Variants in LMLN observed in about 807,000 individuals in gnomAD.
LMLN encodes leishmanolysin-like peptidase.
In LMLN, 70 loss-of-function variants were observed where a neutral mutation model predicts 92.3. The ratio of observed to expected loss-of-function variants is 0.76; its 90% CI spans 0.63 to 0.92. The LOEUF is 0.92. Ranked by LOEUF, LMLN falls within the 40% of genes least tolerant of loss-of-function variation. The pLI is 0.00. For synonymous variants in LMLN, 308 were observed against 296.2 expected, an observed-to-expected ratio of 1.04 and a Z score of -0.41; for missense variants, 691 against 814.6, an observed-to-expected ratio of 0.85 and a Z score of 1.85.
chr3:198,003,475 T>G (rs1306721919), intron 11 of LMLN, among the ~76,000 whole-genome samples: 1 of 152,158 alleles, frequency 6.6e-6, no homozygotes, highest in Non-Finnish European at 1.5e-5. Flanking sequence ...CAAATATTGA[T>G]TCAGTATCAA....
intron 11 of LMLN, among the ~76,000 whole-genome samples, chr3:198,005,220 C>T (rs1320694506): frequency 3.3e-5 from 2 of 60,696 alleles, no homozygotes; most frequent in Non-Finnish European, 6.2e-5. Flanking sequence ...ACATATCATA[C>T]GTAGTAAGTT....
intron 5 of LMLN, among the ~76,000 whole-genome samples, chr3:197,977,995 C>T (rs1391588627): frequency 2.0e-5 from 3 of 151,474 alleles, no homozygotes; most frequent in African/African-American, 2.4e-5. Context: ...AGTACACACA[C>T]GTTAAATCTG....
chr3:197,996,385 C>A, intron 10 of LMLN, 103 bp downstream of exon 10: 1 of 632,682 alleles, frequency 1.6e-6, no homozygotes. Context: ...ATGTTTACGT[C>A]CCTTTACCCC....
At chr3:197,978,084 CTG>C (rs1721453177) in intron 5 of LMLN, among the ~76,000 whole-genome samples, 2 of 151,288 alleles carry the variant, frequency 1.3e-5, no homozygotes, top group South Asian at 4.2e-4. Context: ...ATCAAACAAT[CTG>C]GAAGCACACA....
intron 15 of LMLN, chr3:198,038,266 C>T: frequency 6.6e-6 from 2 of 301,160 alleles, no homozygotes; most frequent in Admixed American, 9.3e-5. Flanking sequence ...AGTTCTTCAC[C>T]CCATCTCAGA....
chr3:197,962,589 A>T (rs1720934876), intron 1 of LMLN, among the ~76,000 whole-genome samples: 1 of 152,240 alleles, frequency 6.6e-6, no homozygotes, highest in African/African-American at 2.4e-5. Context: ...ACCCCCATCA[A>T]CAAAATATTA....
At chr3:197,973,495 G>T (rs945781545) in intron 1 of LMLN, among the ~76,000 whole-genome samples, 32 of 152,034 alleles carry the variant, frequency 2.1e-4, no homozygotes, top group Non-Finnish European at 7.4e-5. Flanking sequence ...GCCTGCCTCG[G>T]CCTCCCAAAG....
chr3:198,043,539 TAC>T (rs1723470319), exon 16 of LMLN: 2 of 152,746 alleles, frequency 1.3e-5, no homozygotes, highest in South Asian at 4.1e-4. Context: ...GAAAAGAACT[TAC>T]CTGAGAGGAG....
chr3:197,971,458 A>G (rs928658021), intron 1 of LMLN, among the ~76,000 whole-genome samples: 1 of 152,204 alleles, frequency 6.6e-6, no homozygotes, highest in Non-Finnish European at 1.5e-5. Flanking sequence ...TGGGATTACA[A>G]TTTAAGATGC....
chr3:197,974,717 A>T (rs1721320297), intron 2 of LMLN, among the ~76,000 whole-genome samples: 1 of 152,238 alleles, frequency 6.6e-6, no homozygotes, highest in African/African-American at 2.4e-5. Context: ...TGAATAATTT[A>T]AACAGAACAA....
intron 1 of LMLN, among the ~76,000 whole-genome samples, chr3:197,962,855 T>C (rs957913255): frequency 6.6e-6 from 1 of 152,156 alleles, no homozygotes; most frequent in Non-Finnish European, 1.5e-5. Flanking sequence ...AGTATTGTTA[T>C]TGTAAGCATT....
intron 8 of LMLN, among the ~76,000 whole-genome samples, chr3:197,988,863 G>A (rs1269059763): frequency 1.3e-5 from 2 of 151,894 alleles, no homozygotes; most frequent in Non-Finnish European, 2.9e-5. Flanking sequence ...TGTGTTTTTA[G>A]TAGAGACGGA....
At chr3:197,969,348 A>G (rs1721160049) in intron 1 of LMLN, among the ~76,000 whole-genome samples, 1 of 152,086 alleles carries the variant, frequency 6.6e-6, no homozygotes, top group African/African-American at 2.4e-5. Flanking sequence ...TAGGCATTTA[A>G]AGCTATCAGT....
rs1162022354 is a variant in LMLN at position 197,992,456 on chromosome 3, T to TA, written c.1047+1780_1047+1781insA. 2.0e-5 allele frequency among the ~76,000 whole-genome samples: 3 copies of TA among 152,134 alleles called. 1 individual carries two copies. Among genetic ancestry groups the TA allele is most frequent in the Non-Finnish European group, 4.4e-5 (3 of 68,026 alleles). On this transcript the variant is annotated intron_variant, in intron 9 of 15. Coordinates refer to ENST00000330198, the Ensembl canonical transcript of LMLN. Reference sequence around the variant, plus strand: ...AACATAAGAAATGAAAGAGGAGACATTACAGCTGATACCACAGAAACACAA... The same window carrying TA: ...AACATAAGAAATGAAAGAGGAGACATATACAGCTGATACCACAGAAACACAA...
chr3:198,034,087 C>T (rs984871016), intron 14 of LMLN, among the ~76,000 whole-genome samples: 2 of 152,162 alleles, frequency 1.3e-5, no homozygotes, highest in African/African-American at 2.4e-5. Flanking sequence ...TTGTCTTAAC[C>T]AGGTTAGTCA....
intron 11 of LMLN, among the ~76,000 whole-genome samples, chr3:198,007,964 G>A (rs1722336847): frequency 6.6e-6 from 1 of 152,176 alleles, no homozygotes; most frequent in Admixed American, 6.5e-5. Context: ...TCTGTCAAAT[G>A]CTCTTTCTAC....
chr3:197,993,167 A>G (rs561484732), intron 9 of LMLN, among the ~76,000 whole-genome samples: 2 of 152,146 alleles, frequency 1.3e-5, no homozygotes, highest in African/African-American at 4.8e-5. Context: ...GACACCCACA[A>G]CCAATCTTAT....
intron 11 of LMLN, among the ~76,000 whole-genome samples, chr3:198,007,099 T>C (rs1581163507): frequency 1.3e-5 from 2 of 152,178 alleles, no homozygotes; most frequent in African/African-American, 4.8e-5. Context: ...CTTTGTCAGA[T>C]ATGTGGTTTG....
chr3:198,008,492 G>A (rs1259190727), intron 11 of LMLN, among the ~76,000 whole-genome samples: 1 of 152,234 alleles, frequency 6.6e-6, no homozygotes, highest in Non-Finnish European at 1.5e-5. Flanking sequence ...TTGGGAGGCT[G>A]AGGCAGGCTG....
Sources: allele counts gnomAD v4.1 joint callset (sites outside exome capture counted in the v4.1 genomes callset), GRCh38; gene constraint gnomAD v4.1.1; transcripts MANE v1.5; gene names NCBI Gene and HGNC (gene_info 2026-07-23, HGNC 2026-07-21).